Variants in AP4S1 observed in about 807,000 individuals in gnomAD.
The protein encoded by AP4S1 is adaptor related protein complex 4 subunit sigma 1.
A neutral mutation model predicts 19.8 loss-of-function variants in AP4S1; 23 were observed. The observed-to-expected ratio is 1.16, with a 90% CI of 0.84 to 1.65. The LOEUF is 1.65. AP4S1 is among the 40% of genes most tolerant of loss of function. The pLI is 0.00. For synonymous variants in AP4S1, 46 were observed against 54.1 expected, an observed-to-expected ratio of 0.85 and a Z score of 0.66; for missense variants, 166 against 172.8, an observed-to-expected ratio of 0.96 and a Z score of 0.22.
chr14:31,064,754 C>T (rs1886623852), intron 1 of AP4S1, among the ~76,000 whole-genome samples: 1 of 152,160 alleles, frequency 6.6e-6, no homozygotes, highest in Non-Finnish European at 1.5e-5. Context: ...CCTAAGTGTT[C>T]AAGAACGGCT....
At chr14:31,049,447 A>G (rs867383213) in intron 1 of AP4S1, among the ~76,000 whole-genome samples, 1 of 72,878 alleles carries the variant, frequency 1.4e-5, no homozygotes, top group African/African-American at 7.0e-5. Context: ...ATATATATAT[A>G]TATATATATA....
At chr14:31,029,542 G>T (rs1287906300) in intron 1 of AP4S1, among the ~76,000 whole-genome samples, 2 of 152,178 alleles carry the variant, frequency 1.3e-5, no homozygotes, top group Non-Finnish European at 2.9e-5. Flanking sequence ...CTCAGATCAG[G>T]CACAGTGGCT....
intron 4 of AP4S1, among the ~76,000 whole-genome samples, chr14:31,076,567 C>T (rs1045340228): frequency 6.6e-6 from 1 of 152,188 alleles, no homozygotes; most frequent in African/African-American, 2.4e-5. Flanking sequence ...ATACAAGTCC[C>T]TTATCAGATA....
At chr14:31,058,476 T>C (rs1460819793) in intron 1 of AP4S1, among the ~76,000 whole-genome samples, 1 of 151,970 alleles carries the variant, frequency 6.6e-6, no homozygotes, top group East Asian at 1.9e-4. Context: ...CTGTAGCATC[T>C]ACTGACTTCC....
rs12881224 is a variant in AP4S1 at position 31,073,358 on chromosome 14, T to G, written c.294+385T>G. On this transcript the variant is annotated intron_variant, in intron 4 of 5. Transcript: ENST00000542754. ...ACAAAAAATTAGCTGGGCGTGGTGG[T>G]GGGCGCCTGTAGTCCCAGCTACTCC... Among the ~76,000 whole-genome samples, 3 of 125,812 alleles carry G rather than the reference T, an allele frequency of 2.4e-5. 1 individual carries two copies. Among genetic ancestry groups the G allele is most frequent in the Admixed American group, 1.7e-4 (2 of 11,430 alleles). The allele number at this position is 125,812 out of a possible 152,430, so 82.5% of individuals were successfully genotyped here. A position where few individuals can be genotyped will look rare whatever the true frequency, so the allele number is the denominator to read the frequency against.
intron 1 of AP4S1, among the ~76,000 whole-genome samples, chr14:31,058,506 C>G (rs1294451423): frequency 6.7e-6 from 1 of 149,682 alleles, no homozygotes; most frequent in Non-Finnish European, 1.5e-5. Flanking sequence ...ATCAAAACAT[C>G]TTCCCCATCT....
chr14:31,030,162 A>AT (rs1025487077), intron 1 of AP4S1, among the ~76,000 whole-genome samples: 3 of 151,892 alleles, frequency 2.0e-5, no homozygotes, highest in African/African-American at 4.8e-5. Flanking sequence ...ATATTTTTGT[A>AT]TTTTTTGTAG....
At position 31,092,948 on chromosome 14, in the gene AP4S1, G is replaced by A; in HGVS notation, c.348G>A (p.Glu116=). The change falls in exon 6 of 6, where the codon GAG becomes GAA. Residue 116 remains glutamate (E), a synonymous_variant. Transcript: ENST00000542754. The part of the protein sequence containing the change: ...NLDKVHIILD[E]MVLNGCIVET... ...ATAAAGTACACATCATTTTGGATGAGATGGTGTTAAATGGCTGCATTGTGG... is the reference window on the plus strand; with the variant it reads ...ATAAAGTACACATCATTTTGGATGAAATGGTGTTAAATGGCTGCATTGTGG... 2 of 1,546,202 alleles carry A rather than the reference G, an allele frequency of 1.3e-6. No individual in the cohort carries two copies. Among genetic ancestry groups the A allele is most frequent in the Non-Finnish European group, 1.7e-6 (2 of 1,143,722 alleles).
rs1283476951 is a variant in AP4S1 at position 31,088,807 on chromosome 14, CAAAAAAAAAA to C, written c.307-4086_307-4077del. On this transcript the variant is annotated intron_variant, in intron 5 of 5. Coordinates refer to ENST00000542754, the MANE Select transcript of AP4S1 (RefSeq NM_001128126.3). ...TGGGCAACAGAGTAAGACTCCATCT[CAAAAAAAAAA>C]AAAAAAAAAAAAAGTCCTTTTCAGT... is the stretch of plus-strand genomic sequence containing the variant. Among the ~76,000 whole-genome samples, 98 of 35,354 alleles carry C rather than the reference CAAAAAAAAAA, an allele frequency of 2.8e-3. 1 individual carries two copies. Among genetic ancestry groups the C allele is most frequent in the African/African-American group, 7.5e-3 (81 of 10,754 alleles). 23.2% of individuals were successfully genotyped at this position (35,354 alleles called of 152,430 possible).
chr14:31,082,784 T>C (rs569164292), intron 5 of AP4S1, among the ~76,000 whole-genome samples: 13 of 151,802 alleles, frequency 8.6e-5, no homozygotes, highest in Non-Finnish European at 1.8e-4. Context: ...TAGTCCCAGC[T>C]ACTTGGGAGG....
At chr14:31,033,899 A>G (rs1566509773) in intron 1 of AP4S1, among the ~76,000 whole-genome samples, 1 of 152,226 alleles carries the variant, frequency 6.6e-6, no homozygotes, top group Non-Finnish European at 1.5e-5. Flanking sequence ...GTAAGAAAAA[A>G]AATAGGCTGT....
In AP4S1 at chr14:31,025,792, G is replaced by A. The variant is rs1169705066; in HGVS notation, c.-72+5G>A. ...ATCACAACCTGAGCAGCACAGGTAG[G>A]TTCCGCTCGGCCTCCCAAGGCGCCG... On this transcript the variant is annotated splice_donor_5th_base_variant and intron_variant, in intron 1 of 5. Transcript: ENST00000542754. 12 of 1,443,202 alleles carry A rather than the reference G, an allele frequency of 8.3e-6. No individual in the cohort carries two copies. In the South Asian group the frequency reaches 1.2e-4, roughly 14 times the overall value. The allele number at this position is 1,443,202 out of a possible 1,614,324, so 89.4% of individuals were successfully genotyped here. A position where few individuals can be genotyped will look rare whatever the true frequency, so the allele number is the denominator to read the frequency against.
chr14:31,055,069 T>G (rs1886030890), intron 1 of AP4S1, among the ~76,000 whole-genome samples: 1 of 150,578 alleles, frequency 6.6e-6, no homozygotes, highest in South Asian at 2.1e-4. Context: ...TTCAAAACTG[T>G]CAAGGTATAT....
intron 5 of AP4S1, among the ~76,000 whole-genome samples, chr14:31,082,791 G>A (rs1022490985): frequency 8.8e-4 from 134 of 152,220 alleles, no homozygotes; most frequent in South Asian, 2.1e-3. Context: ...AGCTACTTGG[G>A]AGGCTGAGGC....
At chr14:31,037,250 T>C (rs1010737000) in intron 1 of AP4S1, among the ~76,000 whole-genome samples, 6 of 151,946 alleles carry the variant, frequency 3.9e-5, no homozygotes, top group Non-Finnish European at 8.8e-5. Context: ...GTTGCTACCT[T>C]AGTTTGGCCC....
chr14:31,042,173 A>T (rs1477114580), intron 1 of AP4S1, among the ~76,000 whole-genome samples: 1 of 152,206 alleles, frequency 6.6e-6, no homozygotes, highest in Non-Finnish European at 1.5e-5. Context: ...TTGGCACTAA[A>T]ACCAAATAAA....
At position 31,089,487 on chromosome 14, in the gene AP4S1, G is replaced by T. The variant is rs75467262; in HGVS notation, c.307-3420G>T. On this transcript the variant is annotated intron_variant, in intron 5 of 5. Coordinates refer to ENST00000542754, the MANE Select transcript of AP4S1 (RefSeq NM_001128126.3). ...AATTGTAGTTTCTAGGTTGGTCTCT[G>T]CCGTGGAATTCCTTTTGAGGTTCCA... Among the ~76,000 whole-genome samples the T allele has an allele frequency of 7.9e-4, 120 of 152,350 alleles. 1 individual carries two copies. The highest frequency in any genetic ancestry group is 2.3e-3 in the African/African-American group (94 of 41,572).
intron 1 of AP4S1, among the ~76,000 whole-genome samples, chr14:31,059,011 CCTT>C (rs1242474291): frequency 1.3e-5 from 2 of 152,172 alleles, no homozygotes; most frequent in Non-Finnish European, 2.9e-5. Flanking sequence ...TCTCCCTCCT[CCTT>C]GATGATTAAT....
At chr14:31,076,122 T>C (rs1016162230) in intron 4 of AP4S1, among the ~76,000 whole-genome samples, 1 of 152,244 alleles carries the variant, frequency 6.6e-6, no homozygotes, top group Non-Finnish European at 1.5e-5. Flanking sequence ...AATGCTCATA[T>C]GAACATTCAT....
Sources: gnomAD v4.1 joint callset for allele counts (sites outside exome capture counted in the v4.1 genomes callset) on GRCh38, gnomAD v4.1.1 for gene constraint, MANE v1.5 for transcripts, NCBI Gene and HGNC (gene_info 2026-07-23, HGNC 2026-07-21) for gene names.